The following TRIQK variants were observed in gnomAD, a reference collection of about 807,000 sequenced individuals.
The protein encoded by TRIQK is triple QxxK/R motif-containing protein.
Under a neutral mutation model 10.8 loss-of-function variants are expected in TRIQK, and 10 were observed. The observed-to-expected ratio is 0.92, with a 90% confidence interval of 0.57 to 1.57. The LOEUF is 1.57. Among genes scored for constraint, TRIQK ranks in the 40% most tolerant of loss-of-function variants. The pLI is 0.00. For synonymous variants in TRIQK, 33 were observed against 33.7 expected (o/e 0.98, Z 0.07); for missense variants, 107 against 97.7 (o/e 1.09, Z -0.40).
At chr8:92,965,116 G>C (rs1165869297) in intron 1 of TRIQK, 1 of 152,200 alleles carries the variant, frequency 6.6e-6, no homozygotes, top group Admixed American at 6.5e-5. Context: ...TGATCATTAA[G>C]TATGAGCCGA....
At chr8:92,944,399 A>G (rs1356705983) in intron 2 of TRIQK, among the ~76,000 whole-genome samples, 1 of 152,162 alleles carries the variant, frequency 6.6e-6, no homozygotes, top group African/African-American at 2.4e-5. Flanking sequence ...TCAAAGAGGT[A>G]TCAGCACTTC....
At chr8:92,900,326 T>C (rs1734108506) in intron 3 of TRIQK, among the ~76,000 whole-genome samples, 1 of 152,142 alleles carries the variant, frequency 6.6e-6, no homozygotes, top group Non-Finnish European at 1.5e-5. Context: ...CTTTACCCAA[T>C]CCAATTTCCT....
intron 1 of TRIQK, among the ~76,000 whole-genome samples, chr8:92,997,848 G>T (rs562276082): frequency 2.0e-5 from 3 of 151,960 alleles, no homozygotes; most frequent in Non-Finnish European, 2.9e-5. Context: ...TAAAGAATTT[G>T]AATTTTAATT....
chr8:92,884,571 TC>T lies in TRIQK; in HGVS notation c.*2050del, dbSNP rs753513957. ...GATTAATAGTTATCAAAAACATTTTTCCCCAAAAAATACCTCAAGGGTAAAA... is the reference window on the plus strand; with the variant it reads ...GATTAATAGTTATCAAAAACATTTTTCCCAAAAAATACCTCAAGGGTAAAA... On this transcript the variant is annotated 3_prime_UTR_variant, in exon 5 of 5. Coordinates refer to ENST00000521988, the MANE Select transcript of TRIQK (RefSeq NM_001171797.2). The T allele has an allele frequency of 1.1e-4, 36 of 320,108 alleles. No individual in the cohort carries two copies. Among genetic ancestry groups the T allele is most frequent in the Non-Finnish European group, 2.0e-4 (33 of 162,810 alleles). The allele number at this position is 320,108 out of a possible 1,614,324, so 19.8% of individuals were successfully genotyped here.
chr8:93,004,572 T>C (rs949886221), intron 1 of TRIQK, among the ~76,000 whole-genome samples: 1 of 152,236 alleles, frequency 6.6e-6, no homozygotes, highest in South Asian at 2.1e-4. Context: ...AGTGGGTTTT[T>C]CTTTTCTACC....
At chr8:92,948,085 A>C (rs541445317) in intron 2 of TRIQK, among the ~76,000 whole-genome samples, 105 of 152,304 alleles carry the variant, frequency 6.9e-4, no homozygotes, top group African/African-American at 2.4e-3. Flanking sequence ...ATATACTGCA[A>C]ACAAAAAGAA....
intron 2 of TRIQK, among the ~76,000 whole-genome samples, chr8:92,938,174 C>G (rs1811085823): frequency 6.6e-6 from 1 of 152,094 alleles, no homozygotes; most frequent in East Asian, 1.9e-4. Flanking sequence ...TACTTGAAAG[C>G]TAACACTCCT....
chr8:92,916,717 G>A (rs941097642), intron 3 of TRIQK, among the ~76,000 whole-genome samples: 1 of 151,822 alleles, frequency 6.6e-6, no homozygotes, highest in Non-Finnish European at 1.5e-5. Context: ...AAAATTATAA[G>A]AGCACTGAAA....
intron 1 of TRIQK, chr8:92,973,255 A>G (rs1194419961): frequency 6.6e-6 from 1 of 152,236 alleles, no homozygotes; most frequent in East Asian, 1.9e-4. Context: ...GCTATGAAAT[A>G]TGAACTATGT....
chr8:92,990,392 G>T (rs1384185520), intron 1 of TRIQK, among the ~76,000 whole-genome samples: 1 of 151,628 alleles, frequency 6.6e-6, no homozygotes, highest in Admixed American at 6.6e-5. Context: ...GTATTTTTTT[G>T]GTTACACTTG....
At chr8:92,991,182 G>A (rs1271568244) in intron 1 of TRIQK, among the ~76,000 whole-genome samples, 2 of 152,206 alleles carry the variant, frequency 1.3e-5, no homozygotes, top group East Asian at 3.9e-4. Context: ...CAAAGCCACT[G>A]TAGCCCGACT....
At chr8:92,961,598 T>C (rs941131262) in intron 1 of TRIQK, among the ~76,000 whole-genome samples, 2 of 152,216 alleles carry the variant, frequency 1.3e-5, no homozygotes, top group Admixed American at 6.5e-5. Flanking sequence ...TTCAATACAG[T>C]GCACCTTCCA....
At chr8:93,017,227 TAAA>T (rs1260913678) in intron 1 of TRIQK, among the ~76,000 whole-genome samples, 159 of 150,150 alleles carry the variant, frequency 1.1e-3, no homozygotes, top group Non-Finnish European at 1.9e-3. Flanking sequence ...GAGTGGAAGA[TAAA>T]TAAGACTGCG....
chr8:92,996,261 A>G (rs1011191296), intron 1 of TRIQK, among the ~76,000 whole-genome samples: 8 of 152,022 alleles, frequency 5.3e-5, no homozygotes, highest in African/African-American at 1.9e-4. Flanking sequence ...TCTGTTTTCT[A>G]TTCTTTCAAA....
chr8:92,901,230 G>T (rs1808920351), intron 3 of TRIQK, among the ~76,000 whole-genome samples: 1 of 152,004 alleles, frequency 6.6e-6, no homozygotes, highest in East Asian at 1.9e-4. Flanking sequence ...CAATTTGGAT[G>T]TCCTTTCTTT....
chr8:92,921,264 T>C (rs1388464300), intron 2 of TRIQK, among the ~76,000 whole-genome samples: 1 of 151,702 alleles, frequency 6.6e-6, no homozygotes, highest in African/African-American at 2.4e-5. Context: ...ATGCTAGATG[T>C]TTAGGTTCTC....
intron 1 of TRIQK, among the ~76,000 whole-genome samples, chr8:93,015,500 T>C (rs1189824270): frequency 4.0e-5 from 6 of 151,280 alleles, no homozygotes; most frequent in African/African-American, 1.5e-4. Flanking sequence ...ATTTAAGGTG[T>C]ATAGCTTGAA....
chr8:92,887,538 T>C (rs1259619805), intron 4 of TRIQK, among the ~76,000 whole-genome samples: 1 of 151,412 alleles, frequency 6.6e-6, no homozygotes, highest in Non-Finnish European at 1.5e-5. Flanking sequence ...CAGAACTTTC[T>C]TAACATTAAC....
chr8:92,955,822 C>T (rs2130688092), intron 1 of TRIQK, among the ~76,000 whole-genome samples: 1 of 151,822 alleles, frequency 6.6e-6, no homozygotes, highest in African/African-American at 2.4e-5. Flanking sequence ...TGAAAAGATG[C>T]TCAACATCAT....
Sources: allele counts gnomAD v4.1 joint callset (sites outside exome capture counted in the v4.1 genomes callset), GRCh38; gene constraint gnomAD v4.1.1; transcripts MANE v1.5; gene names NCBI Gene and HGNC (gene_info 2026-07-23, HGNC 2026-07-21).